Variants in TLK2 observed in about 807,000 individuals in gnomAD.
TLK2 encodes serine/threonine-protein kinase tousled-like 2.
In TLK2, 6 loss-of-function variants were observed where a neutral mutation model predicts 117.3. The observed-to-expected ratio is 0.05, with a 90% CI of 0.03 to 0.10. The LOEUF is 0.10. TLK2 is among the 10% of genes least tolerant of loss of function. The pLI, the probability that TLK2 is intolerant of heterozygous loss-of-function variation, is 1.00. For synonymous variants in TLK2, 257 were observed against 316.7 expected (o/e 0.81, Z 2.00); for missense variants, 299 against 901.2 (o/e 0.33, Z 8.56).
chr17:62,597,034 T>C (rs891279890), intron 17 of TLK2, among the ~76,000 whole-genome samples: 5 of 152,232 alleles, frequency 3.3e-5, no homozygotes, highest in African/African-American at 1.2e-4. Flanking sequence ...ACATACTGTA[T>C]GATTCACACA....
intron 1 of TLK2, among the ~76,000 whole-genome samples, chr17:62,480,667 C>A (rs1322916074): frequency 4.6e-5 from 7 of 152,106 alleles, no homozygotes; most frequent in Non-Finnish European, 1.0e-4. Context: ...ATCCTATATT[C>A]TTTTGAAATT....
intron 8 of TLK2, chr17:62,553,375 A>G: frequency 4.2e-6 from 1 of 238,756 alleles, no homozygotes; most frequent in Non-Finnish European, 8.1e-6. Context: ...TCATTTCTGG[A>G]GTAACGTGTT....
intron 9 of TLK2, among the ~76,000 whole-genome samples, chr17:62,554,694 GAC>G (rs1335844647): frequency 6.6e-5 from 10 of 152,116 alleles, no homozygotes; most frequent in Admixed American, 6.6e-4. Context: ...CAGCATGCAT[GAC>G]ACAGCAAGAC....
intron 6 of TLK2, among the ~76,000 whole-genome samples, chr17:62,535,135 G>A (rs573785930): frequency 6.6e-6 from 1 of 152,126 alleles, no homozygotes; most frequent in South Asian, 2.1e-4. Context: ...TGATCCGCCT[G>A]CCTTGGCCTC....
chr17:62,536,714 CA>C (rs1177596796), intron 7 of TLK2, among the ~76,000 whole-genome samples: 2 of 151,994 alleles, frequency 1.3e-5, no homozygotes, highest in Non-Finnish European at 2.9e-5. Context: ...AGTTAATACT[CA>C]AGTCAGTACA....
At chr17:62,568,734 A>C (rs1425591761) in intron 11 of TLK2, among the ~76,000 whole-genome samples, 1 of 151,782 alleles carries the variant, frequency 6.6e-6, no homozygotes, top group African/African-American at 2.4e-5. Context: ...ACAGGTGCCC[A>C]CCACTATGCC....
At chr17:62,506,813 T>G (rs1215377616) in intron 2 of TLK2, among the ~76,000 whole-genome samples, 1 of 152,200 alleles carries the variant, frequency 6.6e-6, no homozygotes, top group Non-Finnish European at 1.5e-5. Context: ...AAACATAGAT[T>G]ATAGGCCCCA....
intron 11 of TLK2, among the ~76,000 whole-genome samples, chr17:62,572,433 A>G (rs1041465968): frequency 1.3e-5 from 2 of 151,526 alleles, no homozygotes; most frequent in South Asian, 4.1e-4. Flanking sequence ...TTTTTTTACA[A>G]TGGAGTTTTT....
At chr17:62,537,632 A>T (rs1406605990) in intron 7 of TLK2, among the ~76,000 whole-genome samples, 4 of 152,146 alleles carry the variant, frequency 2.6e-5, no homozygotes, top group Admixed American at 2.6e-4. Context: ...TTGCACCCTG[A>T]GCTGCCTGGG....
intron 7 of TLK2, among the ~76,000 whole-genome samples, chr17:62,543,977 C>G (rs1350683007): frequency 1.3e-5 from 2 of 151,956 alleles, no homozygotes. Flanking sequence ...ATATTTAGGT[C>G]TTTTTTCCAT....
At chr17:62,593,119 T>C (rs938419472) in intron 16 of TLK2, among the ~76,000 whole-genome samples, 40 of 152,150 alleles carry the variant, frequency 2.6e-4, no homozygotes, top group African/African-American at 9.7e-4. Context: ...CTGTACTGGG[T>C]TGGGGACCCC....
chr17:62,564,018 TTAGA>T (rs2079521716), intron 10 of TLK2, among the ~76,000 whole-genome samples: 1 of 152,132 alleles, frequency 6.6e-6, no homozygotes, highest in Admixed American at 6.5e-5. Flanking sequence ...CTAGAAAATA[TTAGA>T]TAGAGAAGAA....
chr17:62,567,734 G>T (rs1041324884), intron 11 of TLK2, among the ~76,000 whole-genome samples: 4 of 152,146 alleles, frequency 2.6e-5, no homozygotes, highest in Admixed American at 2.0e-4. Context: ...TTTATGGGAA[G>T]AGACAAACCT....
intron 6 of TLK2, among the ~76,000 whole-genome samples, chr17:62,529,035 G>A (rs912131590): frequency 1.3e-5 from 2 of 152,054 alleles, no homozygotes; most frequent in African/African-American, 4.8e-5. Flanking sequence ...AAATAGTTCA[G>A]TTTTGCCAGT....
rs59523807 is a variant in TLK2 at position 62,576,966 on chromosome 17, C to CTTTTTTTTTTTTTTT, written c.1188+205_1188+206insTTTTTTTTTTTTTTT. 9.5e-4 allele frequency among the ~76,000 whole-genome samples: 110 copies of CTTTTTTTTTTTTTTT among 115,886 alleles called. 3 individuals are homozygous for CTTTTTTTTTTTTTTT. The highest frequency in any genetic ancestry group is 1.6e-3 in the East Asian group (5 of 3,102). The allele number at this position is 115,886 out of a possible 152,430, so 76.0% of individuals were successfully genotyped here. ...ATATTTTTCCATTTTCTTTCTTCTT[C>CTTTTTTTTTTTTTTT]TTTTTTTTTTTTTTGAGTTGGAGTC... On this transcript the variant is annotated intron_variant, in intron 13 of 21. Transcript: ENST00000346027.
chr17:62,564,719 C>A (rs968727361), intron 10 of TLK2, among the ~76,000 whole-genome samples: 11 of 149,000 alleles, frequency 7.4e-5, no homozygotes, highest in South Asian at 2.1e-4. Flanking sequence ...AAAAAAAAAA[C>A]AAACAAAAAA....
At chr17:62,549,266 GCGGGTGC>G (rs1426474276) in intron 7 of TLK2, among the ~76,000 whole-genome samples, 1 of 147,018 alleles carries the variant, frequency 6.8e-6, no homozygotes, top group African/African-American at 2.5e-5. Context: ...GGGAGTGGTG[GCGGGTGC>G]CTGTAGTCCC....
chr17:62,531,235 A>G (rs1235278554), intron 6 of TLK2, among the ~76,000 whole-genome samples: 1 of 150,816 alleles, frequency 6.6e-6, no homozygotes, highest in Non-Finnish European at 1.5e-5. Flanking sequence ...TATACTTTCT[A>G]ATTTTATTAC....
chr17:62,584,633 A>G (rs148922216), intron 15 of TLK2, among the ~76,000 whole-genome samples: 1 of 152,182 alleles, frequency 6.6e-6, no homozygotes, highest in African/African-American at 2.4e-5. Context: ...TGGCAAACAC[A>G]TTGAAGCCCT....
Sources: gnomAD v4.1 joint callset for allele counts (sites outside exome capture counted in the v4.1 genomes callset) on GRCh38, gnomAD v4.1.1 for gene constraint, MANE v1.5 for transcripts, NCBI Gene and HGNC (gene_info 2026-07-23, HGNC 2026-07-21) for gene names.